TMEM164: variants seen among roughly 807,000 people sequenced by gnomAD.
TMEM164 encodes the protein transmembrane protein 164.
TMEM164 carries 4 observed loss-of-function variants against 18.8 expected under a neutral mutation model. That is an observed-to-expected ratio of 0.21 (90% CI 0.10 to 0.49). The LOEUF (loss-of-function observed/expected upper bound fraction) is 0.49. Among genes scored for constraint, TMEM164 ranks in the 20% least tolerant of loss-of-function variants. The pLI, the probability that TMEM164 is intolerant of heterozygous loss-of-function variation, is 0.98. For missense variants in TMEM164, 108 were observed against 239.9 expected, an observed-to-expected ratio of 0.45 and a Z score of 3.63; for synonymous variants, 86 against 101.7, an observed-to-expected ratio of 0.85 and a Z score of 0.93.
At chrX:110,010,547 AG>A (rs1180246004) in intron 2 of TMEM164, among the ~76,000 whole-genome samples, 1 of 112,269 alleles carries the variant, frequency 8.9e-6, no homozygotes, top group Middle Eastern at 4.2e-3. Flanking sequence ...GAGCAGGTCT[AG>A]GGTGAGGATT....
chrX:110,052,126 A>C (rs1023981183), intron 2 of TMEM164, among the ~76,000 whole-genome samples: 1 of 110,791 alleles, frequency 9.0e-6, no homozygotes, highest in African/African-American at 3.3e-5. Flanking sequence ...ATGTTAGTAC[A>C]TATAAATCAA....
chrX:110,011,442 A>G (rs1933000624), intron 2 of TMEM164, among the ~76,000 whole-genome samples: 1 of 112,053 alleles, frequency 8.9e-6, no homozygotes, highest in Non-Finnish European at 1.9e-5. Flanking sequence ...TGCCTAGAAC[A>G]GGGACTGGCT....
intron 5 of TMEM164, among the ~76,000 whole-genome samples, chrX:110,151,369 C>T (rs1304957474): frequency 2.7e-5 from 3 of 111,231 alleles, no homozygotes; most frequent in African/African-American, 9.8e-5. Flanking sequence ...TCTGTTTCTA[C>T]ACAACCTCAC....
intron 4 of TMEM164, among the ~76,000 whole-genome samples, chrX:110,124,121 TGGAAGGAAGGAAGGAAGGAA>T (rs1200145593): frequency 1.2e-4 from 8 of 65,332 alleles, no homozygotes; most frequent in Admixed American, 2.0e-4. Flanking sequence ...TAATAACAAA[TGGAAGGAAGGAAGGAAGGAA>T]GGAAGGAAGG....
intron 2 of TMEM164, among the ~76,000 whole-genome samples, chrX:110,054,158 T>C: frequency 8.9e-6 from 1 of 111,961 alleles, no homozygotes; most frequent in Non-Finnish European, 1.9e-5. Flanking sequence ...AACCTTTCTG[T>C]AGCTCAGTTT....
At chrX:110,034,072 A>T (rs1438575930) in intron 2 of TMEM164, among the ~76,000 whole-genome samples, 1 of 111,916 alleles carries the variant, frequency 8.9e-6, no homozygotes, top group Non-Finnish European at 1.9e-5. Context: ...GAAAATAATA[A>T]GCCAGATCTT....
In TMEM164 at chrX:110,144,783, C is replaced by A. The variant is rs779973473; in HGVS notation, c.508-15C>A. The A allele has an allele frequency of 1.7e-6, 2 of 1,195,765 alleles. No homozygotes were observed. The highest frequency in any genetic ancestry group is 2.3e-6 in the Non-Finnish European group (2 of 882,502). On this transcript the variant is annotated splice_polypyrimidine_tract_variant and intron_variant, in intron 4 of 6. Transcript: ENST00000372068. Reference sequence around the variant, plus strand: ...TTCCTGCTCTAAAACACTTCTCTCCCTCCTATCCTCACAGCTCCCCTTTGA... The same window carrying A: ...TTCCTGCTCTAAAACACTTCTCTCCATCCTATCCTCACAGCTCCCCTTTGA...
intron 3 of TMEM164, among the ~76,000 whole-genome samples, chrX:110,080,550 C>T (rs1313373422): frequency 1.8e-5 from 2 of 111,547 alleles, no homozygotes; most frequent in Non-Finnish European, 3.8e-5. Context: ...ATATCTAAAC[C>T]CCATCCCTGA....
At chrX:110,011,628 G>A (rs1172868008) in intron 2 of TMEM164, among the ~76,000 whole-genome samples, 1 of 112,261 alleles carries the variant, frequency 8.9e-6, no homozygotes, top group Non-Finnish European at 1.9e-5. Context: ...GAAGAGGATG[G>A]ATGTGGAGAG....
intron 4 of TMEM164, among the ~76,000 whole-genome samples, chrX:110,115,952 G>A (rs1388656470): frequency 9.0e-6 from 1 of 110,943 alleles, no homozygotes; most frequent in Non-Finnish European, 1.9e-5. Context: ...GCTGGGCGTG[G>A]TGGCACATGT....
intron 4 of TMEM164, among the ~76,000 whole-genome samples, chrX:110,109,401 C>T (rs2066260565): frequency 9.0e-6 from 1 of 111,487 alleles, no homozygotes; most frequent in South Asian, 3.8e-4. Context: ...GCCTGCAATC[C>T]CAGCTACTCG....
At chrX:110,096,712 A>T (rs1006097805) in intron 3 of TMEM164, among the ~76,000 whole-genome samples, 2 of 112,083 alleles carry the variant, frequency 1.8e-5, no homozygotes, top group Non-Finnish European at 3.8e-5. Context: ...CCCCAGTGAG[A>T]TGAACCTGGT....
chrX:110,026,242 T>G (rs748851174), intron 2 of TMEM164, among the ~76,000 whole-genome samples: 1 of 112,331 alleles, frequency 8.9e-6, no homozygotes, highest in East Asian at 2.8e-4. Context: ...CATTAGAAAC[T>G]CTGGATTTCA....
chrX:110,112,406 TC>T (rs1485484916), intron 4 of TMEM164, among the ~76,000 whole-genome samples: 1 of 111,348 alleles, frequency 9.0e-6, no homozygotes, highest in South Asian at 3.8e-4. Context: ...GCTTGAGACT[TC>T]CGCCCTCCCT....
chrX:110,109,065 T>C lies in TMEM164; in HGVS notation c.441-15T>C, dbSNP rs1260555545. The C allele has an allele frequency of 8.3e-7, 1 of 1,208,698 alleles. No individual in the cohort carries two copies. Among genetic ancestry groups the C allele is most frequent in the Non-Finnish European group, 1.1e-6 (1 of 893,056 alleles). On this transcript the variant is annotated splice_polypyrimidine_tract_variant and intron_variant, in intron 3 of 6. Transcript: ENST00000372068. ...GTCTGAGTATGACCTGAACTTTATC[T>C]TTCTCCCCCTCTAGGCTACAGATGC... is the stretch of plus-strand genomic sequence containing the variant.
intron 5 of TMEM164, among the ~76,000 whole-genome samples, chrX:110,145,923 T>G (rs2066847936): frequency 8.9e-6 from 1 of 112,362 alleles, no homozygotes; most frequent in African/African-American, 3.2e-5. Flanking sequence ...ATGCCTTGAT[T>G]TCTATCAGTT....
rs370262930 is a variant in TMEM164, at chrX:110,030,038, A to C, written c.390+25874A>C. On this transcript the variant is annotated intron_variant, in intron 2 of 6. Coordinates refer to ENST00000372068, the MANE Select transcript of TMEM164 (RefSeq NM_032227.4). ...TATAGAAATATAGAAAACAAAAGTG[A>C]AAGTTTCTGGTAATCTGTCTCCCTG... 1.0e-4 allele frequency among the ~76,000 whole-genome samples: 11 copies of C among 109,034 alleles called. No individual in the cohort carries two copies. The East Asian group carries it at 3.1e-3, about 31-fold the overall frequency. 94.7% of individuals were successfully genotyped at this position (109,034 alleles called of 115,157 possible).
At chrX:110,024,154 C>T (rs1297085751) in intron 2 of TMEM164, among the ~76,000 whole-genome samples, 2 of 112,624 alleles carry the variant, frequency 1.8e-5, no homozygotes, top group Non-Finnish European at 3.8e-5. Context: ...TAGTTCATCA[C>T]GGATGGGTTA....
chrX:110,145,123 C>G (rs1000310448), intron 5 of TMEM164, among the ~76,000 whole-genome samples: 1 of 111,316 alleles, frequency 9.0e-6, no homozygotes, highest in African/African-American at 3.3e-5. Context: ...CTGTCTGTCA[C>G]AGGGCCTGGG....
Sources: allele counts gnomAD v4.1 joint callset (sites outside exome capture counted in the v4.1 genomes callset), GRCh38; gene constraint gnomAD v4.1.1; transcripts MANE v1.5; gene names NCBI Gene and HGNC (gene_info 2026-07-23, HGNC 2026-07-21).